WDFY3: variants seen among roughly 807,000 people sequenced by gnomAD.
WDFY3 encodes WD repeat and FYVE domain containing 3, also known as WD repeat and FYVE domain-containing protein 3.
Under a neutral mutation model 409.6 loss-of-function variants are expected in WDFY3, and 66 were observed. The ratio of observed to expected loss-of-function variants is 0.16; its 90% CI spans 0.13 to 0.20. The LOEUF is 0.20. Ranked by LOEUF, WDFY3 falls within the 10% of genes least tolerant of loss-of-function variation. WDFY3 has a pLI of 1.00. For synonymous variants in WDFY3, 1,521 were observed against 1,537.1 expected (o/e 0.99, Z 0.25); for missense variants, 3,031 against 4,298.1 (o/e 0.71, Z 8.24).
At chr4:84,916,590 G>A (rs1768519909) in intron 2 of WDFY3, among the ~76,000 whole-genome samples, 2 of 152,092 alleles carry the variant, frequency 1.3e-5, no homozygotes, top group East Asian at 3.8e-4. Flanking sequence ...CACTTCAACT[G>A]GATGTCAATG....
intron 12 of WDFY3, 45 bp from the exon 13 acceptor site, chr4:84,817,630 T>C (rs759463047): frequency 2.0e-6 from 3 of 1,506,738 alleles, no homozygotes; most frequent in Non-Finnish European, 2.7e-6. Context: ...CTTTAAAATA[T>C]TCTGAGACAA....
chr4:84,789,823 C>T lies in WDFY3; in HGVS notation c.3572G>A (p.Gly1191Glu), dbSNP rs753286171. 1 of 1,614,042 alleles carries T rather than the reference C, an allele frequency of 6.2e-7. No individual in the cohort carries two copies. Among genetic ancestry groups the T allele is most frequent in the Non-Finnish European group, 8.5e-7 (1 of 1,179,998 alleles). Residue 1191 changes from glycine (G) to glutamate (E), a missense_variant, in exon 22 of 68, where the codon GGA becomes GAA. Physicochemically the swap from Gly to Glu is moderately conservative, Grantham distance 98. Transcript: ENST00000295888. ...TACCAGGACCAAATGATGCCACTGT[C>T]CCTCAATGATAAGCTCTCCACATCG... ...RFRCGELIIE[G>E]QWHHLVLVMS...
chr4:84,916,877 C>T (rs1352781129), intron 2 of WDFY3, among the ~76,000 whole-genome samples: 1 of 152,094 alleles, frequency 6.6e-6, no homozygotes, highest in Non-Finnish European at 1.5e-5. Context: ...GGCTGGCAAA[C>T]ATCTATAAGC....
At chr4:84,748,997 T>A (rs1740009728) in intron 36 of WDFY3, among the ~76,000 whole-genome samples, 1 of 151,982 alleles carries the variant, frequency 6.6e-6, no homozygotes, top group Non-Finnish European at 1.5e-5. Flanking sequence ...GCTCAAGCGA[T>A]CCTTCCACCT....
rs192153973 is a variant in WDFY3 at position 84,766,215 on chromosome 4, C to A, written c.4970+37G>T. On this transcript the variant is annotated intron_variant, in intron 31 of 67. Transcript: ENST00000295888. Reference sequence around the variant, plus strand: ...CCTAACATGAATTAACTAGTAGTAGCAACTGGTATAATCACTTTTAAAAAA... The same window carrying A: ...CCTAACATGAATTAACTAGTAGTAGAAACTGGTATAATCACTTTTAAAAAA... 3.2e-3 allele frequency: 5,017 copies of A among 1,548,756 alleles called. 22 individuals carry two copies. Among genetic ancestry groups the A allele is most frequent in the Non-Finnish European group, 3.3e-3 (3,795 of 1,145,712 alleles).
At position 84,692,973 on chromosome 4, in the gene WDFY3, T is replaced by C. The variant is rs1216466461; in HGVS notation, c.8961A>G (p.Ala2987=). The C allele has an allele frequency of 6.2e-7, 1 of 1,613,432 alleles. No individual in the cohort carries two copies. The highest frequency in any genetic ancestry group is 8.5e-7 in the Non-Finnish European group (1 of 1,179,906). The change falls in exon 59 of 68, where the codon GCA becomes GCG. Residue 2987 remains alanine, a synonymous_variant. Transcript: ENST00000295888. The part of the protein sequence containing the change: ...RVRSRLNGDN[A]GISVLPGSTS... ...TAGATCCTGGTAGGACAGAGATTCC[T>C]GCATTGTCTCCATTGAGTCGACTTC...
In WDFY3 at chr4:84,794,941, G is replaced by A. The variant is rs772453604; in HGVS notation, c.3206C>T (p.Pro1069Leu). 1.3e-6 allele frequency: 2 copies of A among 1,576,044 alleles called. No homozygotes were observed. The highest frequency in any genetic ancestry group is 1.2e-5 in the South Asian group (1 of 82,048). The change falls in exon 20 of 68, where the codon CCT becomes CTT. Residue 1069 changes from proline to leucine, a missense_variant. Transcript: ENST00000295888. ...ACCTGTTGTGACGGTATTATTTGTA[G>A]GAGCATTATGAGGGGCCAAACTGGG... is the stretch of plus-strand genomic sequence containing the variant. The part of the protein sequence containing the change: ...FLPSLAPHNA[P>L]TNNTVTTGLI...
At chr4:84,789,103 C>A (rs906242499) in intron 22 of WDFY3, among the ~76,000 whole-genome samples, 2 of 152,040 alleles carry the variant, frequency 1.3e-5, no homozygotes, top group Non-Finnish European at 2.9e-5. Context: ...TCAGAGCTTG[C>A]GAACTGAGTT....
At chr4:84,855,239 A>G (rs1331249375) in intron 4 of WDFY3, among the ~76,000 whole-genome samples, 1 of 152,210 alleles carries the variant, frequency 6.6e-6, no homozygotes, top group Non-Finnish European at 1.5e-5. Flanking sequence ...AACTTAAAAC[A>G]GGAGGCAATA....
chr4:84,816,708 AC>A (rs1401727915), intron 13 of WDFY3, among the ~76,000 whole-genome samples: 6 of 152,136 alleles, frequency 3.9e-5, no homozygotes, highest in Non-Finnish European at 5.9e-5. Flanking sequence ...AAAATTTCTT[AC>A]ATATCATTTC....
chr4:84,847,495 A>G (rs1758235746), intron 5 of WDFY3, among the ~76,000 whole-genome samples: 2 of 151,522 alleles, frequency 1.3e-5, no homozygotes, highest in Admixed American at 1.3e-4. Flanking sequence ...CGCCGGGCGC[A>G]GTGGCTCATG....
intron 1 of WDFY3, among the ~76,000 whole-genome samples, chr4:84,961,076 G>A (rs1216792592): frequency 6.6e-6 from 1 of 151,976 alleles, no homozygotes; most frequent in South Asian, 2.1e-4. Flanking sequence ...TTAGCCGGGC[G>A]TGGTGGCGGA....
intron 32 of WDFY3, among the ~76,000 whole-genome samples, chr4:84,758,944 G>A (rs1003052918): frequency 1.3e-5 from 2 of 152,062 alleles, no homozygotes; most frequent in Admixed American, 1.3e-4. Flanking sequence ...TAGGTCTAAC[G>A]TTTAAGTCTT....
rs1185323891 is a variant in WDFY3, at chr4:84,966,256, C to G, written c.-273G>C. The G allele has an allele frequency of 1.3e-5, 2 of 150,454 alleles. No individual in the cohort carries two copies. The highest frequency in any genetic ancestry group is 3.0e-5 in the Non-Finnish European group (2 of 67,606). The allele number at this position is 150,454 out of a possible 1,614,324, so 9.3% of individuals were successfully genotyped here. ...GGCGGGACAGGCCCAGGAGACGGGA[C>G]CGCGGCGGGCCGGGGCTCCGCGCCG... is the stretch of plus-strand genomic sequence containing the variant. On this transcript the variant is annotated 5_prime_UTR_variant, in exon 1 of 68. Coordinates refer to ENST00000295888, the MANE Select transcript of WDFY3 (RefSeq NM_014991.6).
intron 32 of WDFY3, among the ~76,000 whole-genome samples, chr4:84,761,255 T>G (rs1309346902): frequency 6.6e-6 from 1 of 152,196 alleles, no homozygotes; most frequent in Non-Finnish European, 1.5e-5. Flanking sequence ...ATAGGTGTGG[T>G]GTGTTGCTGA....
chr4:84,904,992 T>C (rs539518420), intron 2 of WDFY3, among the ~76,000 whole-genome samples: 51 of 149,508 alleles, frequency 3.4e-4, no homozygotes, highest in African/African-American at 1.2e-3. Context: ...TATCTCTTTG[T>C]CTTGTGTCTT....
chr4:84,865,902 T>A (rs1306574442), intron 3 of WDFY3, among the ~76,000 whole-genome samples: 1 of 152,006 alleles, frequency 6.6e-6, no homozygotes. Flanking sequence ...AAACCCCATC[T>A]CTACAAAAAA....
chr4:84,943,486 A>G (rs1772405506), intron 1 of WDFY3, among the ~76,000 whole-genome samples: 1 of 152,144 alleles, frequency 6.6e-6, no homozygotes, highest in Non-Finnish European at 1.5e-5. Flanking sequence ...CCTGGGCGAC[A>G]GAGCAAGACT....
chr4:84,920,066 G>A (rs1361790667), intron 2 of WDFY3, among the ~76,000 whole-genome samples: 2 of 151,722 alleles, frequency 1.3e-5, no homozygotes, highest in African/African-American at 2.4e-5. Flanking sequence ...ATAAGAAAAC[G>A]AACAAAAAAT....
Sources: allele counts gnomAD v4.1 joint callset (sites outside exome capture counted in the v4.1 genomes callset), GRCh38; gene constraint gnomAD v4.1.1; transcripts MANE v1.5; gene names NCBI Gene and HGNC (gene_info 2026-07-23, HGNC 2026-07-21).